PGBD2: variants seen among roughly 807,000 people sequenced by gnomAD.
PGBD2 encodes piggyBac transposable element derived 2, also known as piggyBac transposable element-derived protein 2.
Under a neutral mutation model 8.1 loss-of-function variants are expected in PGBD2, and 6 were observed. That is an observed-to-expected ratio of 0.74 (90% CI 0.40 to 1.46). PGBD2 has a LOEUF of 1.46. Ranked by LOEUF, PGBD2 falls within the 40% of genes most tolerant of loss-of-function variation. The pLI is 0.02. For missense variants in PGBD2, 802 were observed against 739.0 expected, an observed-to-expected ratio of 1.09 and a Z score of -0.99; for synonymous variants, 318 against 272.2, an observed-to-expected ratio of 1.17 and a Z score of -1.66.
the PGBD2 span, among the ~76,000 whole-genome samples, chr1:248,875,052 C>T: frequency 2.0e-5 from 3 of 152,042 alleles, no homozygotes; most frequent in South Asian, 2.1e-4. Flanking sequence ...AATCCCAGCA[C>T]TTTGGGAGGC....
chr1:248,894,154 A>G, the PGBD2 span, among the ~76,000 whole-genome samples: 1 of 152,136 alleles, frequency 6.6e-6, no homozygotes. Flanking sequence ...TTAACCCATC[A>G]TCAGATATGT....
At chr1:248,900,744 C>T in the PGBD2 span, among the ~76,000 whole-genome samples, 1 of 152,046 alleles carries the variant, frequency 6.6e-6, no homozygotes. Flanking sequence ...TTGGCCAGGG[C>T]AGTCAGACAA....
chr1:248,908,474 ACC>A (rs149486146), intron 1 of PGBD2, among the ~76,000 whole-genome samples: 1 of 145,372 alleles, frequency 6.9e-6, no homozygotes, highest in Non-Finnish European at 1.5e-5. Flanking sequence ...CCCCTGCCCT[ACC>A]CCCTCAACCA....
the PGBD2 span, among the ~76,000 whole-genome samples, chr1:248,925,081 T>C: frequency 3.3e-5 from 5 of 152,172 alleles, no homozygotes; most frequent in African/African-American, 1.2e-4. Context: ...AAAAAGCACA[T>C]TGCATTTGCC....
At position 248,917,210 on chromosome 1, in the gene PGBD2, A is replaced by G; in HGVS notation, c.626A>G (p.His209Arg). ...MFWETSPDSH[H>R]HLVADAIRRD... ...TGGGAAACCTCTCCCGATTCACATC[A>G]TCATCTTGTGGCTGATGCAATTAGA... Residue 209 changes from histidine to arginine, a missense_variant, in exon 3 of 3, where the codon CAT (histidine) becomes CGT (arginine). Physicochemically the swap from His to Arg is conservative, Grantham distance 29. Coordinates refer to ENST00000329291, the MANE Select transcript of PGBD2 (RefSeq NM_170725.3). 1 of 1,614,186 alleles carries G rather than the reference A, an allele frequency of 6.2e-7. No homozygotes were observed. Among genetic ancestry groups the G allele is most frequent in the Middle Eastern group, 1.6e-4 (1 of 6,062 alleles).
intron 1 of PGBD2, among the ~76,000 whole-genome samples, chr1:248,912,417 C>CT (rs1193922170): frequency 6.6e-6 from 1 of 152,196 alleles, no homozygotes; most frequent in Admixed American, 6.5e-5. Flanking sequence ...CAAGTCACTT[C>CT]TTTCCATGCC....
chr1:248,895,624 G>GAGATTTTGGTGCACTA, the PGBD2 span, among the ~76,000 whole-genome samples: 5 of 152,068 alleles, frequency 3.3e-5, no homozygotes, highest in Non-Finnish European at 7.4e-5. Context: ...TGGGATTTCT[G>GAGATTTTGGTGCACTA]AGATTTTGGT....
chr1:248,879,591 G>T, the PGBD2 span, among the ~76,000 whole-genome samples: 1 of 151,944 alleles, frequency 6.6e-6, no homozygotes, highest in Non-Finnish European at 1.5e-5. Context: ...TAGAGACAGG[G>T]GTCTTGCTAT....
Position 248,917,445 on chromosome 1 carries a change from G to A in PGBD2, c.861G>A (p.Gly287=), listed in dbSNP as rs754658319. The change falls in exon 3 of 3, where the codon GGG becomes GGA. Residue 287 remains glycine, a synonymous_variant. Coordinates refer to ENST00000329291, the MANE Select transcript of PGBD2 (RefSeq NM_170725.3). ...GHRGSKQLHR[G]KPVRLGYKIW... ...GGGGGTCCAAGCAGCTGCACAGGGG[G>A]AAGCCTGTGCGACTTGGCTACAAGA... The A allele has an allele frequency of 6.2e-7, 1 of 1,614,106 alleles. No homozygotes were observed. The highest frequency in any genetic ancestry group is 8.5e-7 in the Non-Finnish European group (1 of 1,180,016).
At chr1:248,923,271 ATAGT>A (rs955298194), downstream of PGBD2, among the ~76,000 whole-genome samples, 11 of 152,030 alleles carry the variant, frequency 7.2e-5, no homozygotes, top group African/African-American at 2.2e-4. Flanking sequence ...TTCTCTGATG[ATAGT>A]TTGTATTTCT....
At chr1:248,895,782 G>A in the PGBD2 span, among the ~76,000 whole-genome samples, 1 of 151,960 alleles carries the variant, frequency 6.6e-6, no homozygotes, top group Non-Finnish European at 1.5e-5. Context: ...CCGCCTCCCA[G>A]GTTCAAGCGA....
At chr1:248,901,188 T>C in the PGBD2 span, among the ~76,000 whole-genome samples, 1 of 152,182 alleles carries the variant, frequency 6.6e-6, no homozygotes, top group African/African-American at 2.4e-5. Flanking sequence ...ATAGATTCAA[T>C]GCTATTCCTA....
chr1:248,878,796 T>G, the PGBD2 span, among the ~76,000 whole-genome samples: 1 of 152,190 alleles, frequency 6.6e-6, no homozygotes, highest in Non-Finnish European at 1.5e-5. Flanking sequence ...CACTGCCCAA[T>G]TTTCTATGGC....
rs148162226 is a variant in PGBD2, at chr1:248,916,857, C to T, written c.273C>T (p.Asp91=). 5.1e-5 allele frequency: 83 copies of T among 1,613,956 alleles called. No homozygotes were observed. The highest frequency in any genetic ancestry group is 4.5e-4 in the East Asian group (20 of 44,876). Residue 91 remains aspartate, a synonymous_variant, in exon 3 of 3, where the codon GAC becomes GAT. Transcript: ENST00000329291. ...ACTCTGGCACCGGGGAGGATAATGA[C>T]GACCTGGAGCTGCAGCCAGCCAAGA... ...CEDSGTGEDN[D]DLELQPAKKR... is the part of the protein sequence containing the mutation.
rs199974890 is a variant in PGBD2, at chr1:248,917,971, G to T, written c.1387G>T (p.Val463Phe). 6.2e-7 allele frequency: 1 copy of T among 1,614,222 alleles called. No individual in the cohort carries two copies. The highest frequency in any genetic ancestry group is 8.5e-7 in the Non-Finnish European group (1 of 1,180,040). Residue 463 changes from valine to phenylalanine, a missense_variant, in exon 3 of 3, where the codon GTT becomes TTT. Transcript: ENST00000329291. ...GCTGTATCAGGAGAAGGTGGGTGGC[G>T]TTGGTAGGATGGATCAGAATATTGC... ...VKLYQEKVGG[V>F]GRMDQNIAKY...
the PGBD2 span, among the ~76,000 whole-genome samples, chr1:248,895,235 T>C: frequency 6.6e-6 from 1 of 152,186 alleles, no homozygotes; most frequent in Non-Finnish European, 1.5e-5. Flanking sequence ...GGAGTGTGAC[T>C]GTGGCCACAG....
At chr1:248,928,176 T>G in the PGBD2 span, among the ~76,000 whole-genome samples, 3 of 152,186 alleles carry the variant, frequency 2.0e-5, no homozygotes, top group Non-Finnish European at 4.4e-5. Flanking sequence ...TTTAAAAAAT[T>G]ATATCAACCT....
At chr1:248,885,975 GTCAGTTTACTCC>G in the PGBD2 span, among the ~76,000 whole-genome samples, 2 of 151,952 alleles carry the variant, frequency 1.3e-5, no homozygotes, top group African/African-American at 4.8e-5. Flanking sequence ...TTCCTACCCT[GTCAGTTTACTCC>G]TCAGTAATTT....
downstream of PGBD2, among the ~76,000 whole-genome samples, chr1:248,923,453 A>T (rs1662326647): frequency 6.6e-6 from 1 of 151,714 alleles, no homozygotes; most frequent in South Asian, 2.1e-4. Flanking sequence ...TGTCTCTATC[A>T]CCTTGAGTTC....
Sources: gnomAD v4.1 joint callset for allele counts (sites outside exome capture counted in the v4.1 genomes callset) on GRCh38, gnomAD v4.1.1 for gene constraint, MANE v1.5 for transcripts, NCBI Gene and HGNC (gene_info 2026-07-23, HGNC 2026-07-21) for gene names.